Variants in CAMK1D observed in about 807,000 individuals in gnomAD.
CAMK1D encodes the protein calcium/calmodulin-dependent protein kinase type 1D.
CAMK1D carries 9 observed loss-of-function variants against 47.7 expected under a neutral mutation model. That is an observed-to-expected ratio of 0.19 (90% confidence interval 0.11 to 0.33). The LOEUF is 0.33. Ranked by LOEUF, CAMK1D falls within the 10% of genes least tolerant of loss-of-function variation. The pLI is 1.00. For synonymous variants in CAMK1D, 184 were observed against 184.9 expected, an observed-to-expected ratio of 0.99 and a Z score of 0.04; for missense variants, 291 against 488.7, an observed-to-expected ratio of 0.60 and a Z score of 3.81.
intron 3 of CAMK1D, among the ~76,000 whole-genome samples, chr10:12,671,638 C>T (rs1445782313): frequency 2.0e-5 from 3 of 151,434 alleles, no homozygotes; most frequent in Admixed American, 1.3e-4. Flanking sequence ...TATATATACA[C>T]GTATACACAC....
intron 2 of CAMK1D, among the ~76,000 whole-genome samples, chr10:12,570,405 G>T (rs778997260): frequency 6.6e-6 from 1 of 151,516 alleles, no homozygotes; most frequent in Non-Finnish European, 1.5e-5. Flanking sequence ...GGGGCTGGGC[G>T]CAGTGGCTCA....
chr10:12,434,768 G>A (rs866540621), intron 1 of CAMK1D, among the ~76,000 whole-genome samples: 5 of 152,192 alleles, frequency 3.3e-5, no homozygotes, highest in South Asian at 4.1e-4. Context: ...ATGCTGAGTG[G>A]TAGCCCGGTC....
At chr10:12,689,078 A>C (rs1362884227) in intron 3 of CAMK1D, among the ~76,000 whole-genome samples, 1 of 152,220 alleles carries the variant, frequency 6.6e-6, no homozygotes, top group African/African-American at 2.4e-5. Context: ...TAGCAGCGGG[A>C]GGATGGTGTT....
At chr10:12,459,864 G>A (rs1411313439) in intron 1 of CAMK1D, among the ~76,000 whole-genome samples, 2 of 152,152 alleles carry the variant, frequency 1.3e-5, no homozygotes, top group Admixed American at 6.5e-5. Context: ...GGGGAAAGGC[G>A]GTGTTATTGC....
intron 3 of CAMK1D, among the ~76,000 whole-genome samples, chr10:12,675,509 T>C (rs1266248596): frequency 1.3e-5 from 2 of 152,184 alleles, no homozygotes; most frequent in African/African-American, 4.8e-5. Context: ...TTTTCTCTTA[T>C]ACCCAACAAT....
At chr10:12,531,234 A>G (rs1835795810) in intron 1 of CAMK1D, among the ~76,000 whole-genome samples, 1 of 152,168 alleles carries the variant, frequency 6.6e-6, no homozygotes, top group Non-Finnish European at 1.5e-5. Flanking sequence ...AGACCATCGC[A>G]GTTTGATGAT....
chr10:12,597,827 A>G (rs12254411), intron 2 of CAMK1D, among the ~76,000 whole-genome samples: 1 of 152,074 alleles, frequency 6.6e-6, no homozygotes. Flanking sequence ...TCCTTTATTT[A>G]TGCTCTCACT....
At chr10:12,361,943 G>A (rs370025395) in intron 1 of CAMK1D, among the ~76,000 whole-genome samples, 10 of 152,164 alleles carry the variant, frequency 6.6e-5, no homozygotes, top group African/African-American at 2.4e-4. Flanking sequence ...TTGGGGTTCC[G>A]TCTCCTGGCT....
At chr10:12,523,994 C>G (rs1368848497) in intron 1 of CAMK1D, among the ~76,000 whole-genome samples, 1 of 152,006 alleles carries the variant, frequency 6.6e-6, no homozygotes, top group Admixed American at 6.5e-5. Flanking sequence ...CGGGTTCACA[C>G]CATTCTCCTG....
At chr10:12,393,399 C>T (rs552696954) in intron 1 of CAMK1D, among the ~76,000 whole-genome samples, 1 of 152,102 alleles carries the variant, frequency 6.6e-6, no homozygotes, top group Middle Eastern at 3.2e-3. Flanking sequence ...GTGCTAGGCT[C>T]TCTGAGAGAG....
chr10:12,708,248 C>T (rs1217203662), intron 3 of CAMK1D, among the ~76,000 whole-genome samples: 1 of 151,832 alleles, frequency 6.6e-6, no homozygotes, highest in African/African-American at 2.4e-5. Context: ...AGTGCACTCC[C>T]AGCTTATGCC....
At chr10:12,573,831 C>CTTTTTTTTTTTTTTTTTTTTT (rs34038018) in intron 2 of CAMK1D, among the ~76,000 whole-genome samples, 2 of 64,090 alleles carry the variant, frequency 3.1e-5, no homozygotes, top group African/African-American at 1.1e-4. Context: ...ATTAAAAAAA[C>CTTTTTTTTTTTTTTTTTTTTT]TTTTTTTTTT....
At chr10:12,610,483 G>A (rs1438615841) in intron 2 of CAMK1D, among the ~76,000 whole-genome samples, 1 of 152,130 alleles carries the variant, frequency 6.6e-6, no homozygotes, top group Non-Finnish European at 1.5e-5. Flanking sequence ...AACCCACCAT[G>A]TTACCGTGAA....
At chr10:12,490,911 C>G (rs915177086) in intron 1 of CAMK1D, among the ~76,000 whole-genome samples, 2 of 152,028 alleles carry the variant, frequency 1.3e-5, no homozygotes, top group Non-Finnish European at 2.9e-5. Flanking sequence ...CACACATGCC[C>G]CATAAATATG....
rs572248544 is a variant in CAMK1D, at chr10:12,608,887, G to A, written c.224+55531G>A. Among the ~76,000 whole-genome samples the A allele has an allele frequency of 5.3e-4, 80 of 152,318 alleles. No individual in the cohort carries two copies. The South Asian group carries it at 0.012, about 22-fold the overall frequency. The stretch of plus-strand genomic sequence containing the variant: ...AAGTTATTTCAGCCCTACCAGTGTC[G>A]GGAGTCTTGTGGGAGAAATCACAGG... On this transcript the variant is annotated intron_variant, in intron 2 of 10. Transcript: ENST00000619168.
intron 1 of CAMK1D, chr10:12,456,649 G>A (rs897901682): frequency 4.0e-5 from 6 of 151,318 alleles, no homozygotes; most frequent in South Asian, 2.1e-4. Flanking sequence ...ATGGCGGCAC[G>A]TGCCTGTTGT....
chr10:12,781,267 T>C (rs1226389438), intron 5 of CAMK1D, among the ~76,000 whole-genome samples: 2 of 152,244 alleles, frequency 1.3e-5, no homozygotes, highest in Non-Finnish European at 2.9e-5. Context: ...CAAGAAAGGC[T>C]TGACTTAAGT....
intron 1 of CAMK1D, chr10:12,456,632 G>A (rs1833251225): frequency 6.6e-6 from 1 of 152,042 alleles, no homozygotes; most frequent in Admixed American, 6.6e-5. Flanking sequence ...TTAAATCTTA[G>A]CCAGGCATGG....
At chr10:12,375,567 C>T (rs1319870322) in intron 1 of CAMK1D, among the ~76,000 whole-genome samples, 1 of 152,156 alleles carries the variant, frequency 6.6e-6, no homozygotes, top group Non-Finnish European at 1.5e-5. Context: ...CTTGGTGCTG[C>T]TGGTACTCCA....
Sources: allele counts gnomAD v4.1 joint callset (sites outside exome capture counted in the v4.1 genomes callset), GRCh38; gene constraint gnomAD v4.1.1; transcripts MANE v1.5; gene names NCBI Gene and HGNC (gene_info 2026-07-23, HGNC 2026-07-21).